Variants in PKIB observed in about 807,000 individuals in gnomAD.
PKIB encodes the protein PKI-beta.
In PKIB, 2 loss-of-function variants were observed where a neutral mutation model predicts 4.5. The ratio of observed to expected loss-of-function variants is 0.44; its 90% CI spans 0.18 to 1.39. The LOEUF (loss-of-function observed/expected upper bound fraction) is 1.39, where lower values mean the gene tolerates loss of function less well. PKIB is among the 40% of genes most tolerant of loss of function. PKIB has a pLI of 0.27. For synonymous variants in PKIB, 38 were observed against 36.0 expected, an observed-to-expected ratio of 1.06 and a Z score of -0.20; for missense variants, 94 against 92.6, an observed-to-expected ratio of 1.02 and a Z score of -0.06.
intron 2 of PKIB, among the ~76,000 whole-genome samples, chr6:122,557,839 T>C (rs889765285): frequency 1.3e-5 from 2 of 152,186 alleles, no homozygotes; most frequent in African/African-American, 4.8e-5. Flanking sequence ...ATCTTCCTAC[T>C]CTCCCTTTGG....
intron 1 of PKIB, among the ~76,000 whole-genome samples, chr6:122,622,132 A>C (rs1177054821): frequency 6.6e-6 from 1 of 152,238 alleles, no homozygotes; most frequent in African/African-American, 2.4e-5. Flanking sequence ...CTTAAACACG[A>C]GTTATGTGTT....
chr6:122,703,686 T>G (rs1778923763), intron 3 of PKIB, among the ~76,000 whole-genome samples: 1 of 151,768 alleles, frequency 6.6e-6, no homozygotes, highest in Admixed American at 6.6e-5. Flanking sequence ...TGCAATTCTC[T>G]GAAGAATCTA....
chr6:122,657,364 G>T (rs1249887316), intron 2 of PKIB, among the ~76,000 whole-genome samples: 3 of 152,208 alleles, frequency 2.0e-5, no homozygotes, highest in East Asian at 3.9e-4. Flanking sequence ...TTTCAAAGTG[G>T]TTATTCCGTT....
chr6:122,710,053 G>A (rs1463952097), intron 3 of PKIB, among the ~76,000 whole-genome samples: 1 of 152,068 alleles, frequency 6.6e-6, no homozygotes, highest in East Asian at 1.9e-4. Flanking sequence ...TATTAATAAT[G>A]TAAAGGACCT....
intron 3 of PKIB, among the ~76,000 whole-genome samples, chr6:122,693,241 C>T (rs142946784): frequency 3.3e-5 from 5 of 152,308 alleles, no homozygotes; most frequent in East Asian, 3.9e-4. Flanking sequence ...GGGTGTAGTA[C>T]GTAGCTTGGA....
intron 2 of PKIB, among the ~76,000 whole-genome samples, chr6:122,532,802 A>G (rs1777297878): frequency 6.6e-6 from 1 of 152,156 alleles, no homozygotes; most frequent in African/African-American, 2.4e-5. Context: ...TCTTTTGGCT[A>G]CTATGAATAA....
At chr6:122,495,793 G>A (rs73545263) in intron 2 of PKIB, among the ~76,000 whole-genome samples, 215 of 152,190 alleles carry the variant, frequency 1.4e-3, no homozygotes, top group African/African-American at 4.9e-3. Context: ...ATATGTATCC[G>A]GTTGGGTGAC....
chr6:122,495,272 A>G (rs1406879970), intron 2 of PKIB, among the ~76,000 whole-genome samples: 2 of 152,074 alleles, frequency 1.3e-5, no homozygotes, highest in Non-Finnish European at 2.9e-5. Flanking sequence ...CACATGCCCT[A>G]CAGTCTTTAC....
At chr6:122,672,320 T>G (rs2114948400) in intron 2 of PKIB, among the ~76,000 whole-genome samples, 1 of 152,310 alleles carries the variant, frequency 6.6e-6, no homozygotes, top group South Asian at 2.1e-4. Context: ...GGGGTTCATT[T>G]AAAAAGAAAA....
intron 2 of PKIB, among the ~76,000 whole-genome samples, chr6:122,492,735 T>A (rs2114540722): frequency 6.6e-6 from 1 of 151,976 alleles, no homozygotes; most frequent in African/African-American, 2.4e-5. Context: ...TTTGCCCCAG[T>A]ATAGCTTTAT....
chr6:122,526,152 C>T (rs2114609117), intron 2 of PKIB, among the ~76,000 whole-genome samples: 1 of 152,190 alleles, frequency 6.6e-6, no homozygotes, highest in East Asian at 1.9e-4. Flanking sequence ...CTTTTGATTC[C>T]ACTTCTAATT....
intron 3 of PKIB, among the ~76,000 whole-genome samples, chr6:122,712,241 T>C (rs1471013361): frequency 1.3e-5 from 2 of 152,182 alleles, no homozygotes; most frequent in African/African-American, 4.8e-5. Flanking sequence ...GACTCTGGGT[T>C]CCTCTTTGTA....
intron 2 of PKIB, among the ~76,000 whole-genome samples, chr6:122,580,836 A>C (rs1445263533): frequency 3.3e-5 from 5 of 152,164 alleles, no homozygotes; most frequent in Non-Finnish European, 7.4e-5. Flanking sequence ...GTTTTTACCA[A>C]ATTGCACTGA....
upstream of PKIB, among the ~76,000 whole-genome samples, chr6:122,608,859 A>G (rs769586222): frequency 6.6e-6 from 1 of 152,206 alleles, no homozygotes; most frequent in African/African-American, 2.4e-5. Context: ...TAAAAATCCA[A>G]TCATGATACC....
chr6:122,721,414 G>C (rs1779737653), intron 4 of PKIB, among the ~76,000 whole-genome samples: 1 of 152,178 alleles, frequency 6.6e-6, no homozygotes, highest in African/African-American at 2.4e-5. Context: ...ACACTTCTCG[G>C]AATGTTTCCT....
At chr6:122,480,876 T>C (rs533991612) in intron 2 of PKIB, 1 of 152,216 alleles carries the variant, frequency 6.6e-6, no homozygotes, top group South Asian at 2.1e-4. Flanking sequence ...GTGTTGATTA[T>C]AAAGTGATAT....
rs201666458 is a variant in PKIB at position 122,690,610 on chromosome 6, CTA to C, written c.-9+15468_-9+15469del. Reference sequence around the variant, plus strand: ...TTCTATTTATATCTTACTATACTGTCTATGTCTTGAAAGGTTGTCTCAGTTAT... The same window carrying C: ...TTCTATTTATATCTTACTATACTGTCTGTCTTGAAAGGTTGTCTCAGTTAT... On this transcript the variant is annotated intron_variant, in intron 3 of 4. Coordinates refer to ENST00000368452, the MANE Select transcript of PKIB (RefSeq NM_181795.3). Among the ~76,000 whole-genome samples, 180 of 152,156 alleles carry C rather than the reference CTA, an allele frequency of 1.2e-3. 4 individuals are homozygous for C. In the East Asian group the frequency reaches 0.019, roughly 16 times the overall value.
chr6:122,667,563 A>G (rs1777282521), intron 2 of PKIB, among the ~76,000 whole-genome samples: 2 of 152,136 alleles, frequency 1.3e-5, no homozygotes, highest in Non-Finnish European at 1.5e-5. Context: ...AATAAAAATA[A>G]AAGTTGTAAG....
intron 2 of PKIB, among the ~76,000 whole-genome samples, chr6:122,531,852 G>A (rs143421802): frequency 1.2e-4 from 19 of 152,298 alleles, no homozygotes; most frequent in Admixed American, 2.6e-4. Flanking sequence ...CATTGTGCTT[G>A]GCACAAAGTA....
Sources: gnomAD v4.1 joint callset for allele counts (sites outside exome capture counted in the v4.1 genomes callset) on GRCh38, gnomAD v4.1.1 for gene constraint, MANE v1.5 for transcripts, NCBI Gene and HGNC (gene_info 2026-07-23, HGNC 2026-07-21) for gene names.